The following SLC22A9 variants were observed in gnomAD, a reference collection of about 807,000 sequenced individuals.
SLC22A9 encodes the protein organic anion transporter 7.
In SLC22A9, 64 loss-of-function variants were observed where a neutral mutation model predicts 50.1. That is an observed-to-expected ratio of 1.28 (90% CI 1.04 to 1.57). The LOEUF is 1.57. Ranked by LOEUF, SLC22A9 falls within the 40% of genes most tolerant of loss-of-function variation. SLC22A9 has a pLI of 0.00. For missense variants in SLC22A9, 757 were observed against 676.1 expected (o/e 1.12, Z -1.33); for synonymous variants, 261 against 242.5 (o/e 1.08, Z -0.71).
At chr11:63,394,173 T>A (rs1206594535) in intron 6 of SLC22A9, among the ~76,000 whole-genome samples, 1 of 152,214 alleles carries the variant, frequency 6.6e-6, no homozygotes, top group Non-Finnish European at 1.5e-5. Context: ...CTAAACTGGT[T>A]ATTCTAGTTA....
intron 6 of SLC22A9, among the ~76,000 whole-genome samples, chr11:63,392,981 G>A (rs1477802536): frequency 6.6e-6 from 1 of 151,984 alleles, no homozygotes; most frequent in Non-Finnish European, 1.5e-5. Context: ...CTCTCTTTTG[G>A]TTTCATATGA....
At chr11:63,397,589 G>T (rs534146952) in intron 6 of SLC22A9, among the ~76,000 whole-genome samples, 2 of 152,012 alleles carry the variant, frequency 1.3e-5, no homozygotes, top group African/African-American at 2.4e-5. Flanking sequence ...GGCACCCAAG[G>T]CACAAAAGAA....
In SLC22A9 at chr11:63,382,902, A is replaced by G. The variant is rs1391743161; in HGVS notation, c.1073+625A>G. 2.0e-5 allele frequency among the ~76,000 whole-genome samples: 3 copies of G among 152,296 alleles called. No homozygotes were observed. The East Asian group carries it at 5.8e-4, about 29-fold the overall frequency. On this transcript the variant is annotated intron_variant, in intron 6 of 9. Coordinates refer to ENST00000279178, the MANE Select transcript of SLC22A9 (RefSeq NM_080866.3). Reference sequence around the variant, plus strand: ...TAAGAAGAGTAATTTCACCTGACCCATGACAACCCCTTCCCAAAGTTGTTT... The same window carrying G: ...TAAGAAGAGTAATTTCACCTGACCCGTGACAACCCCTTCCCAAAGTTGTTT...
At chr11:63,408,613 A>G in intron 8 of SLC22A9, 63 bp from the exon 9 acceptor site, 1 of 1,459,214 alleles carries the variant, frequency 6.9e-7, no homozygotes, top group South Asian at 1.2e-5. Context: ...GCAAAATGAT[A>G]AATCACAAAT....
At chr11:63,375,920 A>C in intron 5 of SLC22A9, 152 bp downstream of exon 5, 2 of 1,027,676 alleles carry the variant, frequency 1.9e-6, no homozygotes, top group Non-Finnish European at 1.4e-6. Context: ...AATGGGCTTC[A>C]ATATTGTTTG....
At chr11:63,400,704 A>C (rs2014938201) in intron 6 of SLC22A9, among the ~76,000 whole-genome samples, 1 of 152,100 alleles carries the variant, frequency 6.6e-6, no homozygotes, top group Non-Finnish European at 1.5e-5. Flanking sequence ...AGAAACGAAC[A>C]CACACAAAAA....
chr11:63,406,460 G>A (rs2015038478), intron 6 of SLC22A9, 37 bp from the exon 7 acceptor site: 2 of 1,579,854 alleles, frequency 1.3e-6, no homozygotes, highest in South Asian at 1.1e-5. Flanking sequence ...AGGCTCCACA[G>A]ATTATAATAT....
At position 63,389,983 on chromosome 11, in the gene SLC22A9, G is replaced by A. The variant is rs144675126; in HGVS notation, c.1073+7706G>A. On this transcript the variant is annotated intron_variant, in intron 6 of 9. Transcript: ENST00000279178. ...GCTGGCCACATAAATGTTGTCTTTT[G>A]AGAAGCGTCTGTTGATATCCTTTGC... Among the ~76,000 whole-genome samples, 938 of 152,242 alleles carry A rather than the reference G, an allele frequency of 6.2e-3. 10 individuals carry two copies. The highest frequency in any genetic ancestry group is 0.021 in the African/African-American group (859 of 41,534).
At chr11:63,395,601 A>T (rs1305825659) in intron 6 of SLC22A9, among the ~76,000 whole-genome samples, 1 of 152,096 alleles carries the variant, frequency 6.6e-6, no homozygotes, top group Non-Finnish European at 1.5e-5. Flanking sequence ...GGATACCAGC[A>T]CCTGTTCTGG....
chr11:63,380,961 G>GA (rs898825772), intron 5 of SLC22A9, among the ~76,000 whole-genome samples: 2 of 152,014 alleles, frequency 1.3e-5, no homozygotes, highest in Non-Finnish European at 2.9e-5. Flanking sequence ...GTTTCCCAGG[G>GA]AAAAAAAGAG....
chr11:63,395,049 A>AT (rs1565187524), intron 6 of SLC22A9, among the ~76,000 whole-genome samples: 1 of 151,716 alleles, frequency 6.6e-6, no homozygotes, highest in Non-Finnish European at 1.5e-5. Context: ...TTTCCAGAGC[A>AT]TTTTGCATTT....
chr11:63,380,138 T>C (rs1262589140), intron 5 of SLC22A9, among the ~76,000 whole-genome samples: 1 of 152,096 alleles, frequency 6.6e-6, no homozygotes, highest in Non-Finnish European at 1.5e-5. Context: ...CACGATAAGA[T>C]ACCATCTCAC....
intron 6 of SLC22A9, among the ~76,000 whole-genome samples, chr11:63,386,151 G>C (rs542556521): frequency 4.6e-5 from 7 of 152,032 alleles, no homozygotes; most frequent in African/African-American, 1.4e-4. Context: ...CGACTTCATC[G>C]GGGTTAATAA....
rs559530185 is a variant in SLC22A9 at position 63,406,726 on chromosome 11, C to T, written c.1288+15C>T. 16 of 1,611,626 alleles carry T rather than the reference C, an allele frequency of 9.9e-6. No individual in the cohort carries two copies. The African/African-American group carries it at 1.5e-4, about 15-fold the overall frequency. On this transcript the variant is annotated intron_variant, in intron 7 of 9. Transcript: ENST00000279178. ...TGTGCCACAAGGTGAGAAAAGATCA[C>T]AGGTGGAAGAGAGAAATGCCTTTGC...
intron 6 of SLC22A9, among the ~76,000 whole-genome samples, chr11:63,397,433 A>G (rs770345628): frequency 5.3e-5 from 8 of 152,124 alleles, no homozygotes; most frequent in African/African-American, 1.2e-4. Flanking sequence ...AGCAGTTGTC[A>G]AAGCTGGCTA....
chr11:63,405,623 C>T (rs527613212), intron 6 of SLC22A9, among the ~76,000 whole-genome samples: 2 of 152,250 alleles, frequency 1.3e-5, no homozygotes, highest in South Asian at 2.1e-4. Context: ...TGTGGATATA[C>T]AATCTGTCAC....
At chr11:63,391,249 C>A (rs1309087331) in intron 6 of SLC22A9, among the ~76,000 whole-genome samples, 1 of 151,938 alleles carries the variant, frequency 6.6e-6, no homozygotes, top group African/African-American at 2.4e-5. Flanking sequence ...TATGGTCTAT[C>A]CTTAAGAAAT....
chr11:63,386,292 G>A (rs987445923), intron 6 of SLC22A9, among the ~76,000 whole-genome samples: 9 of 151,822 alleles, frequency 5.9e-5, no homozygotes, highest in Admixed American at 2.0e-4. Flanking sequence ...ATCCCTACCA[G>A]GTTAGCATGA....
chr11:63,395,532 G>T (rs1410968624), intron 6 of SLC22A9, among the ~76,000 whole-genome samples: 8 of 152,168 alleles, frequency 5.3e-5, no homozygotes, highest in Non-Finnish European at 1.2e-4. Context: ...CTCTGGGCTG[G>T]TACTGGGGAT....
Sources: allele counts gnomAD v4.1 joint callset (sites outside exome capture counted in the v4.1 genomes callset), GRCh38; gene constraint gnomAD v4.1.1; transcripts MANE v1.5; gene names NCBI Gene and HGNC (gene_info 2026-07-23, HGNC 2026-07-21).